The following OCA2 variants were observed in gnomAD, a reference collection of about 807,000 sequenced individuals.
OCA2 encodes the protein P protein.
A neutral mutation model predicts 100.2 loss-of-function variants in OCA2; 77 were observed. The observed-to-expected ratio is 0.77, with a 90% CI of 0.64 to 0.93. OCA2 has a LOEUF of 0.93. Ranked by LOEUF, OCA2 falls within the 40% of genes least tolerant of loss-of-function variation. OCA2 has a pLI of 0.00. For missense variants in OCA2, 1,062 were observed against 1,089.1 expected (o/e 0.98, Z 0.35); for synonymous variants, 432 against 439.2 (o/e 0.98, Z 0.21).
chr15:28,077,035 CTG>C (rs960220058), intron 2 of OCA2, among the ~76,000 whole-genome samples: 1 of 150,748 alleles, frequency 6.6e-6, no homozygotes, highest in African/African-American at 2.4e-5. Flanking sequence ...GTGGGGAAGT[CTG>C]TGTGTCACTC....
rs1393872575 is a variant in OCA2 at position 27,966,945 on chromosome 15, C to G, written c.1504-123G>C. On this transcript the variant is annotated intron_variant, in intron 14 of 23. Coordinates refer to ENST00000354638, the MANE Select transcript of OCA2 (RefSeq NM_000275.3). ...GAGATGGAGACCATCCTGGCTAACA[C>G]AGTGAAAACCTGTCTCTACTAAAAA... The G allele has an allele frequency of 6.5e-6, 7 of 1,079,308 alleles. No homozygotes were observed. In the African/African-American group the frequency reaches 1.1e-4, roughly 17 times the overall value. 66.9% of individuals were successfully genotyped at this position (1,079,308 alleles called of 1,614,324 possible).
chr15:28,089,466 A>T (rs1412587871), intron 1 of OCA2, among the ~76,000 whole-genome samples: 1 of 152,208 alleles, frequency 6.6e-6, no homozygotes, highest in Non-Finnish European at 1.5e-5. Flanking sequence ...TGGGGAACTA[A>T]TAAATGTCCA....
intron 23 of OCA2, among the ~76,000 whole-genome samples, chr15:27,815,621 C>T (rs1050422593): frequency 2.0e-5 from 3 of 152,172 alleles, no homozygotes; most frequent in Non-Finnish European, 4.4e-5. Flanking sequence ...TAGCAAGAGT[C>T]TAGACAACAC....
chr15:28,022,691 C>A, intron 5 of OCA2, 118 bp from the exon 6 acceptor site: 3 of 746,946 alleles, frequency 4.0e-6, no homozygotes, highest in Middle Eastern at 2.3e-4. Context: ...GCATCCAGTA[C>A]GCGCCAGCTT....
At chr15:28,029,163 A>G (rs1487540340) in intron 3 of OCA2, among the ~76,000 whole-genome samples, 1 of 152,240 alleles carries the variant, frequency 6.6e-6, no homozygotes, top group Non-Finnish European at 1.5e-5. Flanking sequence ...AGCCAGCTCA[A>G]TGGGGCATTG....
At chr15:27,810,470 C>A (rs1846327) in intron 23 of OCA2, among the ~76,000 whole-genome samples, 1 of 151,998 alleles carries the variant, frequency 6.6e-6, no homozygotes, top group African/African-American at 2.4e-5. Context: ...GACTAAGACC[C>A]CAAAAGCAAA....
At chr15:27,815,150 G>T (rs183642158) in intron 23 of OCA2, among the ~76,000 whole-genome samples, 2 of 152,238 alleles carry the variant, frequency 1.3e-5, no homozygotes, top group East Asian at 3.9e-4. Context: ...AATTATTGGA[G>T]GACATGATTT....
intron 23 of OCA2, among the ~76,000 whole-genome samples, chr15:27,825,578 T>G (rs1191356507): frequency 6.6e-6 from 1 of 152,148 alleles, no homozygotes; most frequent in Non-Finnish European, 1.5e-5. Flanking sequence ...GGTCACAGGC[T>G]ACTGCGGACT....
chr15:27,904,842 T>C (rs2038107990), intron 19 of OCA2, among the ~76,000 whole-genome samples: 1 of 152,154 alleles, frequency 6.6e-6, no homozygotes, highest in South Asian at 2.1e-4. Flanking sequence ...AGTTTGTTGA[T>C]TAACATACAG....
intron 19 of OCA2, among the ~76,000 whole-genome samples, chr15:27,872,428 T>C (rs899540594): frequency 6.6e-6 from 1 of 152,180 alleles, no homozygotes; most frequent in Non-Finnish European, 1.5e-5. Flanking sequence ...CAGAAAACTG[T>C]ACTCAGGGAA....
intron 2 of OCA2, among the ~76,000 whole-genome samples, chr15:28,069,683 C>T (rs911455966): frequency 5.5e-5 from 8 of 146,308 alleles, no homozygotes; most frequent in Non-Finnish European, 8.9e-5. Flanking sequence ...GGATTGCAGA[C>T]GGAGTCTCGT....
intron 2 of OCA2, among the ~76,000 whole-genome samples, chr15:28,051,630 A>C (rs2043519481): frequency 8.2e-6 from 1 of 122,668 alleles, no homozygotes; most frequent in Non-Finnish European, 1.6e-5. Context: ...TTTAATAGAC[A>C]CAGGTCTCAC....
At chr15:27,955,539 A>C (rs1289741802) in intron 16 of OCA2, among the ~76,000 whole-genome samples, 1 of 152,104 alleles carries the variant, frequency 6.6e-6, no homozygotes, top group Non-Finnish European at 1.5e-5. Context: ...CAGTCTCTTT[A>C]TTTTCCTCTT....
At chr15:27,839,877 A>G (rs2035283645) in intron 23 of OCA2, among the ~76,000 whole-genome samples, 2 of 152,236 alleles carry the variant, frequency 1.3e-5, no homozygotes, top group Admixed American at 1.3e-4. Context: ...AAATTTGGTC[A>G]CAAAGAAACC....
intron 23 of OCA2, among the ~76,000 whole-genome samples, chr15:27,815,378 G>A (rs187739375): frequency 6.6e-6 from 1 of 152,136 alleles, no homozygotes; most frequent in African/African-American, 2.4e-5. Flanking sequence ...CCCCTCAAAA[G>A]TAGTTTAAAC....
the OCA2 span, among the ~76,000 whole-genome samples, chr15:27,741,682 G>A: frequency 3.9e-5 from 6 of 152,234 alleles, no homozygotes; most frequent in African/African-American, 9.6e-5. Context: ...TATGTAAGTC[G>A]CATGGGAAAG....
At chr15:27,757,173 G>T (rs1566937980) in intron 23 of OCA2, among the ~76,000 whole-genome samples, 1 of 152,184 alleles carries the variant, frequency 6.6e-6, no homozygotes, top group Non-Finnish European at 1.5e-5. Context: ...AGTTTGCTCT[G>T]GTGTGACAAT....
chr15:27,904,712 G>A (rs1256702247), intron 19 of OCA2, among the ~76,000 whole-genome samples: 1 of 152,154 alleles, frequency 6.6e-6, no homozygotes, highest in Non-Finnish European at 1.5e-5. Context: ...CAAAGTACAA[G>A]GACAAGGCCA....
At chr15:27,735,648 A>G in the OCA2 span, among the ~76,000 whole-genome samples, 1 of 152,198 alleles carries the variant, frequency 6.6e-6, no homozygotes, top group African/African-American at 2.4e-5. Flanking sequence ...AGGAGTTACA[A>G]TATGGCTAGC....
Sources: allele counts gnomAD v4.1 joint callset (sites outside exome capture counted in the v4.1 genomes callset), GRCh38; gene constraint gnomAD v4.1.1; transcripts MANE v1.5; gene names NCBI Gene and HGNC (gene_info 2026-07-23, HGNC 2026-07-21).